The following NRG2 variants were observed in gnomAD, a reference collection of about 807,000 sequenced individuals.
NRG2 encodes the protein pro-neuregulin-2, membrane-bound isoform.
In NRG2, 27 loss-of-function variants were observed where a neutral mutation model predicts 73.9. The ratio of observed to expected loss-of-function variants is 0.37; its 90% CI spans 0.27 to 0.50. NRG2 has a LOEUF of 0.50. Ranked by LOEUF, NRG2 falls within the 20% of genes least tolerant of loss-of-function variation. The probability of loss-of-function intolerance (pLI) is 0.96; values close to 1 mark genes in which losing one functional copy is unlikely to be tolerated. For synonymous variants in NRG2, 532 were observed against 541.0 expected (o/e 0.98, Z 0.23); for missense variants, 1,126 against 1,210.1 (o/e 0.93, Z 1.03).
At chr5:140,042,340 T>A in intron 1 of NRG2, 30 bp downstream of exon 1, 7 of 1,044,902 alleles carry the variant, frequency 6.7e-6, no homozygotes, top group Non-Finnish European at 8.4e-6. Context: ...CCCTCCCCCC[T>A]TTCTCCAGCA....
Position 140,042,881 on chromosome 5 carries a change from TG to T in NRG2, c.188del (p.Pro63GlnfsTer31). The T allele has an allele frequency of 1.3e-6, 2 of 1,518,538 alleles. No homozygotes were observed. The highest frequency in any genetic ancestry group is 1.8e-6 in the Non-Finnish European group (2 of 1,134,724). 94.1% of individuals were successfully genotyped at this position (1,518,538 alleles called of 1,614,324 possible). ...GCGGCTGTTGCTGCGGCCGCGGCTC[TG>T]GGGGCGCAGCGGGACGAGAGATGCT... is the stretch of plus-strand genomic sequence containing the variant. Reference protein sequence around the residue: ...NSSISRPAAPPEPRPQQQPQP... With the variant: ...NSSISRPAAPXEPRPQQQPQP... On this transcript the variant is annotated frameshift_variant, in exon 1 of 10. Coordinates refer to ENST00000361474, the MANE Select transcript of NRG2 (RefSeq NM_004883.3). LOFTEE classifies it high-confidence loss of function.
rs1762688239 is a variant in NRG2 at position 139,869,334 on chromosome 5, C to A, written c.1112+2387G>T. 6.6e-6 allele frequency: 1 copy of A among 152,046 alleles called. No individual in the cohort carries two copies. The highest frequency in any genetic ancestry group is 1.5e-5 in the Non-Finnish European group (1 of 68,006). The allele number at this position is 152,046 out of a possible 1,614,324, so 9.4% of individuals were successfully genotyped here. ...GTGTAGTTTCATTATCCAAGCTAAG[C>A]GGAAATGCAAAAAAATCAAAATAAA... On this transcript the variant is annotated intron_variant, in intron 4 of 9. Coordinates refer to ENST00000361474, the MANE Select transcript of NRG2 (RefSeq NM_004883.3). The surrounding 1 kb of genome is among the most constrained non-coding windows in gnomAD (Gnocchi z 4.5).
At chr5:139,896,905 G>A (rs1250398788) in intron 1 of NRG2, among the ~76,000 whole-genome samples, 2 of 152,166 alleles carry the variant, frequency 1.3e-5, no homozygotes, top group Non-Finnish European at 2.9e-5. Flanking sequence ...GAGAAAGGCC[G>A]CCCACCTTCC....
chr5:139,972,140 T>C (rs1027500388), intron 1 of NRG2, among the ~76,000 whole-genome samples: 1 of 152,202 alleles, frequency 6.6e-6, no homozygotes, highest in African/African-American at 2.4e-5. Context: ...TATAGATACA[T>C]GTAGAATGTT....
intron 1 of NRG2, among the ~76,000 whole-genome samples, chr5:139,902,316 C>T (rs914349956): frequency 1.3e-5 from 2 of 152,232 alleles, no homozygotes; most frequent in African/African-American, 4.8e-5. Context: ...CCAGCCAGCA[C>T]TCCTGCACTG....
At chr5:139,993,290 C>A (rs916881995) in intron 1 of NRG2, among the ~76,000 whole-genome samples, 2 of 152,124 alleles carry the variant, frequency 1.3e-5, no homozygotes, top group East Asian at 1.9e-4. Context: ...CACAAGAGCC[C>A]CACAAAAATT....
chr5:139,897,379 C>G (rs994834663), intron 1 of NRG2, among the ~76,000 whole-genome samples: 33 of 152,192 alleles, frequency 2.2e-4, no homozygotes, highest in African/African-American at 8.0e-4. Flanking sequence ...TAACCGGCAG[C>G]TCTTATTAAT....
chr5:139,952,392 G>A (rs1314294882), intron 1 of NRG2, among the ~76,000 whole-genome samples: 3 of 152,320 alleles, frequency 2.0e-5, no homozygotes, highest in African/African-American at 2.4e-5. Flanking sequence ...TGGGAAACAG[G>A]TGGGTGGGCA....
intron 1 of NRG2, among the ~76,000 whole-genome samples, chr5:139,932,478 C>T (rs1412019735): frequency 2.6e-5 from 4 of 151,136 alleles, no homozygotes; most frequent in Non-Finnish European, 4.4e-5. Flanking sequence ...ATGAGAGTGG[C>T]AAGGTAGGAA....
intron 3 of NRG2, among the ~76,000 whole-genome samples, chr5:139,877,170 G>A (rs1309647926): frequency 6.6e-6 from 1 of 152,186 alleles, no homozygotes; most frequent in Admixed American, 6.5e-5. Context: ...CTCAGAAGTG[G>A]GTTGGACCAA....
At chr5:139,913,000 C>A (rs1332536627) in intron 1 of NRG2, among the ~76,000 whole-genome samples, 1 of 152,164 alleles carries the variant, frequency 6.6e-6, no homozygotes, top group Non-Finnish European at 1.5e-5. Flanking sequence ...CCTCTGCCAG[C>A]CTCCCTCCCA....
At chr5:140,029,868 G>C (rs1761001470) in intron 1 of NRG2, among the ~76,000 whole-genome samples, 1 of 151,966 alleles carries the variant, frequency 6.6e-6, no homozygotes, top group African/African-American at 2.4e-5. Flanking sequence ...AGAAGGGAGA[G>C]GGGAAAGAGG....
intron 9 of NRG2, 132 bp from the exon 10 acceptor site, chr5:139,848,829 GA>G (rs1761217220): frequency 1.2e-6 from 1 of 811,634 alleles, no homozygotes; most frequent in Non-Finnish European, 1.8e-6. Flanking sequence ...CCGCCTGCAA[GA>G]ATGACGGCAG....
chr5:139,934,888 G>C (rs1289903730), intron 1 of NRG2, among the ~76,000 whole-genome samples: 2 of 152,230 alleles, frequency 1.3e-5, no homozygotes, highest in Non-Finnish European at 2.9e-5. Flanking sequence ...ATCCTGGCCG[G>C]GCGCGGTGGC....
rs1372354626 is a variant in NRG2, at chr5:139,846,901, A to G, written c.*1016T>C. 6.6e-6 allele frequency: 1 copy of G among 151,600 alleles called. No individual in the cohort carries two copies. Among genetic ancestry groups the G allele is most frequent in the Non-Finnish European group, 1.5e-5 (1 of 67,908 alleles). The allele number at this position is 151,600 out of a possible 1,614,324, so 9.4% of individuals were successfully genotyped here. A position where few individuals can be genotyped will look rare whatever the true frequency, so the allele number is the denominator to read the frequency against. ...TGTTTGGGATTTTTTTTTTTTTTAA[A>G]CAATTACCTTTTTGACAAATTAGCA... On this transcript the variant is annotated 3_prime_UTR_variant, in exon 10 of 10. Coordinates refer to ENST00000361474, the MANE Select transcript of NRG2 (RefSeq NM_004883.3).
intron 1 of NRG2, among the ~76,000 whole-genome samples, chr5:139,931,091 T>C (rs1310606723): frequency 1.3e-5 from 2 of 152,192 alleles, no homozygotes; most frequent in Non-Finnish European, 2.9e-5. Context: ...TTCTGGGTCT[T>C]AGTTTCCTCA....
chr5:139,946,455 G>A (rs535377504), intron 1 of NRG2, among the ~76,000 whole-genome samples: 1 of 152,030 alleles, frequency 6.6e-6, no homozygotes, highest in East Asian at 1.9e-4. Flanking sequence ...ACCTCACACT[G>A]TATACAAAAA....
intron 1 of NRG2, among the ~76,000 whole-genome samples, chr5:139,906,698 T>A (rs1274829721): frequency 1.3e-5 from 2 of 152,200 alleles, no homozygotes; most frequent in African/African-American, 4.8e-5. Flanking sequence ...GAAAAATACC[T>A]AATTACACAA....
Position 139,851,609 on chromosome 5 carries a change from G to A in NRG2, c.1767C>T (p.Ser589=), listed in dbSNP as rs545934132. 26 of 1,613,818 alleles carry A rather than the reference G, an allele frequency of 1.6e-5. No homozygotes were observed. In the East Asian group the frequency reaches 4.0e-4, roughly 25 times the overall value. Residue 589 remains serine, a synonymous_variant, in exon 9 of 10, where the codon AGC becomes AGT. Coordinates refer to ENST00000361474, the MANE Select transcript of NRG2 (RefSeq NM_004883.3). The surrounding 1 kb of genome is among the most constrained non-coding windows in gnomAD (Gnocchi z 4.2). ...SVDSLRDSPH[S]ERYVSALTTP... is the part of the protein sequence containing the mutation. ...GTCAGGGGGTAGGAACTGACCTCTC[G>A]CTGTGTGGGGAGTCGCGAAGGGAGT...
Sources: gnomAD v4.1 joint callset for allele counts (sites outside exome capture counted in the v4.1 genomes callset) on GRCh38, gnomAD v4.1.1 for gene constraint, Gnocchi (gnomAD v3.1) non-coding constraint, MANE v1.5 for transcripts, NCBI Gene and HGNC (gene_info 2026-07-23, HGNC 2026-07-21) for gene names.